The following NSMCE2 variants were observed in gnomAD, a reference collection of about 807,000 sequenced individuals.
The protein encoded by NSMCE2 is NSE2 SUMO ligase component of SMC5/6 complex.
In NSMCE2, 24 loss-of-function variants were observed where a neutral mutation model predicts 23.8. The ratio of observed to expected loss-of-function variants is 1.01; its 90% CI spans 0.73 to 1.42. The LOEUF (loss-of-function observed/expected upper bound fraction) is 1.42. NSMCE2 is among the 40% of genes most tolerant of loss of function. NSMCE2 has a pLI of 0.00. For missense variants in NSMCE2, 284 were observed against 296.5 expected (o/e 0.96, Z 0.31); for synonymous variants, 92 against 94.1 (o/e 0.98, Z 0.13).
At chr8:125,340,037 C>T (rs1163584463) in intron 5 of NSMCE2, among the ~76,000 whole-genome samples, 1 of 97,152 alleles carries the variant, frequency 1.0e-5, no homozygotes. Flanking sequence ...TTTTTTGAGA[C>T]GGAGTCTCGC....
intron 5 of NSMCE2, among the ~76,000 whole-genome samples, chr8:125,330,562 C>T (rs1829838531): frequency 6.6e-6 from 1 of 152,130 alleles, no homozygotes; most frequent in Non-Finnish European, 1.5e-5. Context: ...AGGAAGGCTA[C>T]CCTTAGAGAA....
chr8:125,219,188 A>G (rs1214380732), intron 5 of NSMCE2, among the ~76,000 whole-genome samples: 1 of 152,188 alleles, frequency 6.6e-6, no homozygotes, highest in Non-Finnish European at 1.5e-5. Context: ...AGATAGACAG[A>G]AAGAGATGGA....
chr8:125,327,529 GT>G (rs951269905), intron 5 of NSMCE2, among the ~76,000 whole-genome samples: 3 of 150,508 alleles, frequency 2.0e-5, no homozygotes, highest in Non-Finnish European at 4.4e-5. Context: ...GTAAGAGAGT[GT>G]TTTTTTTTAA....
intron 4 of NSMCE2, among the ~76,000 whole-genome samples, chr8:125,173,032 G>T (rs1822297300): frequency 6.6e-6 from 1 of 152,138 alleles, no homozygotes; most frequent in Non-Finnish European, 1.5e-5. Flanking sequence ...ACCAACAGGT[G>T]TTCCAGGTTC....
Position 125,151,442 on chromosome 8 carries a change from A to G in NSMCE2, c.264+165A>G, listed in dbSNP as rs1269368207. On this transcript the variant is annotated intron_variant, in intron 4 of 7. Transcript: ENST00000287437. ...GGAAGTCTCATAAAATTGGAATCCTAAGTATTTTCCTGGCTAGGCCACTTA... is the reference window on the plus strand; with the variant it reads ...GGAAGTCTCATAAAATTGGAATCCTGAGTATTTTCCTGGCTAGGCCACTTA... 10 of 440,010 alleles carry G rather than the reference A, an allele frequency of 2.3e-5. 1 individual carries two copies. In the South Asian group the frequency reaches 5.0e-4, roughly 22 times the overall value. The allele number at this position is 440,010 out of a possible 1,614,324, so 27.3% of individuals were successfully genotyped here. A position where few individuals can be genotyped will look rare whatever the true frequency, so the allele number is the denominator to read the frequency against.
chr8:125,276,750 T>C (rs139696800), intron 5 of NSMCE2, among the ~76,000 whole-genome samples: 286 of 152,316 alleles, frequency 1.9e-3, no homozygotes, highest in Middle Eastern at 0.01. Context: ...CCCAATGAAG[T>C]TAGTGTTATT....
At chr8:125,274,122 A>G (rs1272529894) in intron 5 of NSMCE2, among the ~76,000 whole-genome samples, 3 of 152,134 alleles carry the variant, frequency 2.0e-5, no homozygotes, top group African/African-American at 7.2e-5. Flanking sequence ...TCTACTCTGC[A>G]CCCACTCTCC....
intron 5 of NSMCE2, among the ~76,000 whole-genome samples, chr8:125,236,094 G>A (rs1825536824): frequency 6.6e-6 from 1 of 152,134 alleles, no homozygotes; most frequent in Admixed American, 6.5e-5. Context: ...AAAAGAGAAG[G>A]AATTAAAGGC....
chr8:125,172,254 G>A (rs1488537401), intron 4 of NSMCE2, among the ~76,000 whole-genome samples: 2 of 152,194 alleles, frequency 1.3e-5, no homozygotes, highest in Admixed American at 1.3e-4. Flanking sequence ...TACAGGCAAA[G>A]GACTGAGGTG....
At chr8:125,218,647 G>A (rs952630301) in intron 5 of NSMCE2, among the ~76,000 whole-genome samples, 2 of 152,030 alleles carry the variant, frequency 1.3e-5, no homozygotes, top group African/African-American at 2.4e-5. Context: ...CCTGACCTCA[G>A]GTGATCCACC....
chr8:125,297,398 C>T (rs1828372559), intron 5 of NSMCE2, among the ~76,000 whole-genome samples: 1 of 152,178 alleles, frequency 6.6e-6, no homozygotes, highest in South Asian at 2.1e-4. Flanking sequence ...TGAGGGACCT[C>T]CTGGGACAGG....
chr8:125,219,105 T>G (rs925949214), intron 5 of NSMCE2, among the ~76,000 whole-genome samples: 1 of 152,144 alleles, frequency 6.6e-6, no homozygotes, highest in Non-Finnish European at 1.5e-5. Context: ...TAAATCTACT[T>G]TAATGGGATA....
intron 5 of NSMCE2, among the ~76,000 whole-genome samples, chr8:125,289,416 C>T (rs1828023604): frequency 6.6e-6 from 1 of 152,184 alleles, no homozygotes; most frequent in Non-Finnish European, 1.5e-5. Context: ...TGCCCAAGTC[C>T]TGCTTATTCT....
At chr8:125,295,611 A>T (rs1828291848) in intron 5 of NSMCE2, among the ~76,000 whole-genome samples, 1 of 152,202 alleles carries the variant, frequency 6.6e-6, no homozygotes, top group African/African-American at 2.4e-5. Context: ...AAGGGGGTAA[A>T]GAACTGAGAG....
At chr8:125,257,974 A>G (rs1005374401) in intron 5 of NSMCE2, among the ~76,000 whole-genome samples, 12 of 152,208 alleles carry the variant, frequency 7.9e-5, no homozygotes, top group Admixed American at 3.3e-4. Context: ...AGAGATGGAA[A>G]ATACGTAAAT....
intron 7 of NSMCE2, 81 bp downstream of exon 7, chr8:125,357,899 G>A (rs1326327361): frequency 5.6e-6 from 5 of 892,730 alleles, no homozygotes; most frequent in Non-Finnish European, 9.2e-6. Flanking sequence ...AGAGGAAGAG[G>A]CACTTCAATG....
At chr8:125,318,130 C>G (rs916193130) in intron 5 of NSMCE2, among the ~76,000 whole-genome samples, 1 of 152,052 alleles carries the variant, frequency 6.6e-6, no homozygotes, top group Non-Finnish European at 1.5e-5. Flanking sequence ...AAAATAGGGC[C>G]GGGTATAGTG....
intron 5 of NSMCE2, among the ~76,000 whole-genome samples, chr8:125,332,944 G>C (rs1239887540): frequency 6.6e-6 from 1 of 152,204 alleles, no homozygotes; most frequent in African/African-American, 2.4e-5. Context: ...CCTCAAGAGA[G>C]AGGGATAAGA....
At position 125,301,218 on chromosome 8, in the gene NSMCE2, G is replaced by C. The variant is rs556248725; in HGVS notation, c.419-56001G>C. ...GCAGCACAGGCTGGTGGGAAAGGGG[G>C]CCTGAGGAAAATCACCTGCCTGTAC... On this transcript the variant is annotated intron_variant, in intron 5 of 7. Transcript: ENST00000287437. 9.8e-5 allele frequency among the ~76,000 whole-genome samples: 15 copies of C among 152,296 alleles called. 1 individual carries two copies. Among genetic ancestry groups the C allele is most frequent in the African/African-American group, 3.1e-4 (13 of 41,564 alleles).
Sources: allele counts gnomAD v4.1 joint callset (sites outside exome capture counted in the v4.1 genomes callset), GRCh38; gene constraint gnomAD v4.1.1; transcripts MANE v1.5; gene names NCBI Gene and HGNC (gene_info 2026-07-23, HGNC 2026-07-21).